Variants in ACBD3 observed in about 807,000 individuals in gnomAD.
ACBD3 encodes the protein acyl-CoA binding domain containing 3.
ACBD3 carries 30 observed loss-of-function variants against 66.9 expected under a neutral mutation model. That is an observed-to-expected ratio of 0.45 (90% CI 0.34 to 0.61). The LOEUF is 0.61. Ranked by LOEUF, ACBD3 falls within the 20% of genes least tolerant of loss-of-function variation. The pLI, the probability that ACBD3 is intolerant of heterozygous loss-of-function variation, is 0.02. For synonymous variants in ACBD3, 278 were observed against 259.8 expected, an observed-to-expected ratio of 1.07 and a Z score of -0.68; for missense variants, 544 against 664.5, an observed-to-expected ratio of 0.82 and a Z score of 1.99.
intron 2 of ACBD3, among the ~76,000 whole-genome samples, chr1:226,165,604 T>C (rs1228232807): frequency 6.6e-6 from 1 of 152,226 alleles, no homozygotes; most frequent in Non-Finnish European, 1.5e-5. Flanking sequence ...TTTAATATTA[T>C]TTGGGAAGAA....
chr1:226,153,732 A>G (rs769751282), intron 6 of ACBD3, among the ~76,000 whole-genome samples: 2 of 152,196 alleles, frequency 1.3e-5, no homozygotes, highest in Non-Finnish European at 1.5e-5. Context: ...GTTATTTTCT[A>G]GGCAACATGA....
chr1:226,156,389 T>C (rs1659671002), intron 5 of ACBD3, among the ~76,000 whole-genome samples: 5 of 152,292 alleles, frequency 3.3e-5, no homozygotes, highest in South Asian at 2.1e-4. Context: ...TATTCCATCA[T>C]AAAAAGATAA....
chr1:226,152,636 T>C lies in ACBD3; in HGVS notation c.1091-17A>G, dbSNP rs1457684120. 6 of 1,602,334 alleles carry C rather than the reference T, an allele frequency of 3.7e-6. No homozygotes were observed. In the East Asian group the frequency reaches 1.3e-4, roughly 36 times the overall value. On this transcript the variant is annotated splice_polypyrimidine_tract_variant and intron_variant, in intron 6 of 7. Coordinates refer to ENST00000366812, the MANE Select transcript of ACBD3 (RefSeq NM_022735.4). ...GAAGAGATTCTAAAGGCAATAGGTA[T>C]TAAAAAGCTAAAGAAAAAGAGCCTT...
chr1:226,163,600 T>TA (rs2102781718), intron 3 of ACBD3, among the ~76,000 whole-genome samples: 1 of 152,350 alleles, frequency 6.6e-6, no homozygotes, highest in African/African-American at 2.4e-5. Flanking sequence ...GTTCCATCTC[T>TA]TGATAACTCA....
At chr1:226,175,563 A>G (rs186419307) in intron 1 of ACBD3, among the ~76,000 whole-genome samples, 35 of 152,364 alleles carry the variant, frequency 2.3e-4, no homozygotes, top group African/African-American at 7.7e-4. Context: ...AAAAACAAAC[A>G]GCAGACAACA....
chr1:226,170,114 G>T (rs1171994927), intron 1 of ACBD3, among the ~76,000 whole-genome samples: 2 of 148,482 alleles, frequency 1.3e-5, no homozygotes, highest in African/African-American at 4.9e-5. Context: ...AAAAAAAGAT[G>T]TGGTGGGCCT....
At chr1:226,167,789 GA>G (rs962499936) in intron 1 of ACBD3, among the ~76,000 whole-genome samples, 14 of 152,028 alleles carry the variant, frequency 9.2e-5, no homozygotes, top group African/African-American at 3.4e-4. Context: ...ACTCAGAGAA[GA>G]AAAAATATAG....
At chr1:226,149,527 ATCTTTTTT>A (rs1659522846) in intron 7 of ACBD3, among the ~76,000 whole-genome samples, 2 of 34,206 alleles carry the variant, frequency 5.8e-5, no homozygotes, top group South Asian at 8.6e-4. Flanking sequence ...GCGCCCAGCC[ATCTTTTTT>A]TTTTTTTTTT....
In ACBD3 at chr1:226,145,935, GA is replaced by G. The variant is rs1303480353; in HGVS notation, c.*674del. ...TTCAAAGTTTGTGGAAGTTCCTGAA[GA>G]AAAATCTCTGAGGTGTTCTACGTAT... On this transcript the variant is annotated 3_prime_UTR_variant, in exon 8 of 8. Coordinates refer to ENST00000366812, the MANE Select transcript of ACBD3 (RefSeq NM_022735.4). The G allele has an allele frequency of 6.6e-6, 1 of 152,466 alleles. No individual in the cohort carries two copies. The highest frequency in any genetic ancestry group is 1.5e-5 in the Non-Finnish European group (1 of 68,028). 9.4% of individuals were successfully genotyped at this position (152,466 alleles called of 1,614,324 possible). A position where few individuals can be genotyped will look rare whatever the true frequency, so the allele number is the denominator to read the frequency against.
At chr1:226,163,387 C>T (rs376997892) in intron 3 of ACBD3, among the ~76,000 whole-genome samples, 49 of 152,064 alleles carry the variant, frequency 3.2e-4, no homozygotes, top group African/African-American at 1.1e-3. Flanking sequence ...GACACCCTAG[C>T]GATACCTGAT....
chr1:226,176,361 C>A (rs1027337684), intron 1 of ACBD3, among the ~76,000 whole-genome samples: 3 of 139,682 alleles, frequency 2.1e-5, no homozygotes, highest in African/African-American at 5.4e-5. Flanking sequence ...GACTGGGAGG[C>A]AGAGGTTGCA....
chr1:226,153,152 G>T (rs2102775758), intron 6 of ACBD3, among the ~76,000 whole-genome samples: 1 of 152,296 alleles, frequency 6.6e-6, no homozygotes, highest in Admixed American at 6.5e-5. Context: ...AGAAAAAGGG[G>T]TAAAGTCTTG....
chr1:226,177,164 GTTTTTTTT>G (rs35506283), intron 1 of ACBD3, among the ~76,000 whole-genome samples: 1 of 130,442 alleles, frequency 7.7e-6, no homozygotes, highest in East Asian at 2.2e-4. Flanking sequence ...CCATGTAGCT[GTTTTTTTT>G]TTTTTTTTTT....
At chr1:226,169,392 C>T (rs1017971354) in intron 1 of ACBD3, among the ~76,000 whole-genome samples, 1 of 151,766 alleles carries the variant, frequency 6.6e-6, no homozygotes, top group African/African-American at 2.4e-5. Flanking sequence ...GGACTACAAG[C>T]GCCCGCCACC....
chr1:226,181,863 T>C (rs543137710), intron 1 of ACBD3, among the ~76,000 whole-genome samples: 2 of 152,260 alleles, frequency 1.3e-5, no homozygotes, highest in South Asian at 4.1e-4. Context: ...CATAATAAAA[T>C]GAACCCACTG....
chr1:226,158,476 G>A (rs909374469), intron 5 of ACBD3, among the ~76,000 whole-genome samples: 2 of 152,202 alleles, frequency 1.3e-5, no homozygotes, highest in Non-Finnish European at 2.9e-5. Context: ...AGTCCTGTGA[G>A]GTTAACAGGA....
At chr1:226,151,949 G>T (rs1659580706) in intron 7 of ACBD3, among the ~76,000 whole-genome samples, 1 of 152,080 alleles carries the variant, frequency 6.6e-6, no homozygotes, top group Admixed American at 6.5e-5. Flanking sequence ...CGAGACTACT[G>T]TGAGCAGAGA....
chr1:226,155,405 G>T (rs1475699792), intron 5 of ACBD3, among the ~76,000 whole-genome samples: 1 of 121,532 alleles, frequency 8.2e-6, no homozygotes, highest in East Asian at 2.5e-4. Flanking sequence ...CAACAAAAGC[G>T]AAACTCCATC....
chr1:226,179,274 GATA>G (rs1656664200), intron 1 of ACBD3, among the ~76,000 whole-genome samples: 1 of 152,156 alleles, frequency 6.6e-6, no homozygotes, highest in African/African-American at 2.4e-5. Context: ...CAGCCATTAT[GATA>G]ATAATGGCAG....
Sources: allele counts gnomAD v4.1 joint callset (sites outside exome capture counted in the v4.1 genomes callset), GRCh38; gene constraint gnomAD v4.1.1; transcripts MANE v1.5; gene names NCBI Gene and HGNC (gene_info 2026-07-23, HGNC 2026-07-21).